The following SHCBP1L variants were observed in gnomAD, a reference collection of about 807,000 sequenced individuals.
SHCBP1L encodes testicular spindle-associated protein SHCBP1L.
A neutral mutation model predicts 62.5 loss-of-function variants in SHCBP1L; 67 were observed. That is an observed-to-expected ratio of 1.07 (90% CI 0.88 to 1.31). The LOEUF is 1.31. Ranked by LOEUF, SHCBP1L falls within the 40% of genes most tolerant of loss-of-function variation. The pLI is 0.00. For synonymous variants in SHCBP1L, 284 were observed against 289.4 expected (o/e 0.98, Z 0.19); for missense variants, 823 against 809.8 (o/e 1.02, Z -0.20).
chr1:182,916,253 G>A (rs1650353240), intron 6 of SHCBP1L, among the ~76,000 whole-genome samples: 2 of 152,052 alleles, frequency 1.3e-5, no homozygotes, highest in South Asian at 2.1e-4. Flanking sequence ...ATTTATAGCA[G>A]TAAATGCCTA....
intron 9 of SHCBP1L, among the ~76,000 whole-genome samples, chr1:182,902,755 T>C (rs1261967383): frequency 6.6e-6 from 1 of 152,160 alleles, no homozygotes; most frequent in Non-Finnish European, 1.5e-5. Context: ...CAAAATGTAT[T>C]ACAGATCTGA....
Position 182,953,012 on chromosome 1 carries a change from T to C in SHCBP1L, c.122A>G (p.Lys41Arg). The C allele has an allele frequency of 6.5e-7, 1 of 1,543,014 alleles. No homozygotes were observed. Among genetic ancestry groups the C allele is most frequent in the African/African-American group, 1.4e-5 (1 of 73,228 alleles). Residue 41 changes from lysine (K) to arginine (R), a missense_variant, in exon 1 of 10, where the codon AAG becomes AGG. Coordinates refer to ENST00000367547, the MANE Select transcript of SHCBP1L (RefSeq NM_030933.4). ...SGDTAAATTL[K>R]GTAIPVRSVV... ...CGACCGCACTGGGATCGCGGTGCCC[T>C]TCAGGGTGGTCGCGGCCGCCGTGTC...
intron 2 of SHCBP1L, among the ~76,000 whole-genome samples, chr1:182,946,221 TCAGTCTAGAAA>T (rs1428346382): frequency 3.9e-5 from 6 of 152,142 alleles, no homozygotes; most frequent in African/African-American, 1.4e-4. Context: ...GTGGGCCCTT[TCAGTCTAGAAA>T]TTTATGACCT....
At chr1:182,927,347 G>A (rs1650799568) in intron 6 of SHCBP1L, among the ~76,000 whole-genome samples, 1 of 151,850 alleles carries the variant, frequency 6.6e-6, no homozygotes, top group Admixed American at 6.6e-5. Context: ...TCTCAGTCAA[G>A]AATCTTCAAA....
At chr1:182,941,370 T>C (rs1651360599) in intron 2 of SHCBP1L, among the ~76,000 whole-genome samples, 1 of 152,018 alleles carries the variant, frequency 6.6e-6, no homozygotes, top group South Asian at 2.1e-4. Flanking sequence ...ACACAATTCT[T>C]GACATATGTA....
chr1:182,900,144 A>G lies in SHCBP1L; in HGVS notation c.1801T>C (p.Phe601Leu). 2 of 1,612,454 alleles carry G rather than the reference A, an allele frequency of 1.2e-6. No individual in the cohort carries two copies. The highest frequency in any genetic ancestry group is 1.7e-6 in the Non-Finnish European group (2 of 1,179,152). ...AGAGCTTCTTCTGCTACGATAAAAA[A>G]CTGTTCCATTGGTTGAAGAATGCTT... ...GVSILQPMEQ[F>L]FIVAEEALNK... Residue 601 changes from phenylalanine to leucine, a missense_variant, in exon 10 of 10, where the codon TTT becomes CTT. Transcript: ENST00000367547.
chr1:182,901,501 A>C (rs1254542302), intron 9 of SHCBP1L, among the ~76,000 whole-genome samples: 1 of 152,202 alleles, frequency 6.6e-6, no homozygotes, highest in African/African-American at 2.4e-5. Flanking sequence ...TAACAGCCAG[A>C]ACAAGGTTAA....
At chr1:182,926,263 G>A (rs1002909612) in intron 6 of SHCBP1L, among the ~76,000 whole-genome samples, 2 of 152,170 alleles carry the variant, frequency 1.3e-5, no homozygotes, top group African/African-American at 4.8e-5. Context: ...TGTCTCTGAG[G>A]AGGCAGATGG....
intron 6 of SHCBP1L, among the ~76,000 whole-genome samples, chr1:182,910,324 A>C (rs903455722): frequency 6.6e-6 from 1 of 152,236 alleles, no homozygotes; most frequent in Admixed American, 6.5e-5. Context: ...GCTCTGCAGC[A>C]GCAATGGAAA....
chr1:182,908,858 C>T (rs1405129462), intron 6 of SHCBP1L, among the ~76,000 whole-genome samples: 1 of 152,176 alleles, frequency 6.6e-6, no homozygotes, highest in East Asian at 1.9e-4. Context: ...CTCGTTTTGT[C>T]ATAAACAAAA....
chr1:182,915,919 G>C (rs1354200974), intron 6 of SHCBP1L, among the ~76,000 whole-genome samples: 1 of 150,256 alleles, frequency 6.7e-6, no homozygotes, highest in Non-Finnish European at 1.5e-5. Context: ...CCATTCTCCT[G>C]CCTCAGCCTC....
chr1:182,926,607 T>A (rs1448756023), intron 6 of SHCBP1L, among the ~76,000 whole-genome samples: 2 of 152,116 alleles, frequency 1.3e-5, no homozygotes, highest in Non-Finnish European at 2.9e-5. Flanking sequence ...GAAGCAAAAC[T>A]GTGAATCAAA....
chr1:182,952,465 A>G, intron 1 of SHCBP1L: 1 of 425,528 alleles, frequency 2.4e-6, no homozygotes, highest in Non-Finnish European at 4.1e-6. Context: ...ATTTTTTAGG[A>G]GCTCTCAGAA....
chr1:182,915,967 C>A (rs557128034), intron 6 of SHCBP1L, among the ~76,000 whole-genome samples: 1 of 152,088 alleles, frequency 6.6e-6, no homozygotes, highest in South Asian at 2.1e-4. Context: ...CCATCACGCC[C>A]GGCTAATTTT....
intron 6 of SHCBP1L, among the ~76,000 whole-genome samples, chr1:182,914,200 A>G (rs1481544087): frequency 6.6e-6 from 1 of 152,240 alleles, no homozygotes; most frequent in Non-Finnish European, 1.5e-5. Context: ...AAAATGAAGA[A>G]GAAATTGACA....
chr1:182,939,594 C>G (rs1186614690), intron 3 of SHCBP1L, 41 bp from the exon 4 acceptor site: 1 of 1,415,678 alleles, frequency 7.1e-7, no homozygotes, highest in East Asian at 2.4e-5. Flanking sequence ...TCAAAAACAG[C>G]CACTACTGAT....
chr1:182,917,000 T>A (rs1414216083), intron 6 of SHCBP1L, among the ~76,000 whole-genome samples: 1 of 152,054 alleles, frequency 6.6e-6, no homozygotes, highest in Non-Finnish European at 1.5e-5. Flanking sequence ...GACACGAGTT[T>A]ACCTATGTAA....
intron 6 of SHCBP1L, among the ~76,000 whole-genome samples, chr1:182,920,486 A>C (rs559842383): frequency 2.6e-5 from 4 of 152,344 alleles, no homozygotes; most frequent in African/African-American, 7.2e-5. Flanking sequence ...AAAGCAGTGC[A>C]AGAACTCTGG....
intron 2 of SHCBP1L, among the ~76,000 whole-genome samples, chr1:182,945,575 A>T (rs1651536669): frequency 6.6e-6 from 1 of 152,196 alleles, no homozygotes; most frequent in South Asian, 2.1e-4. Context: ...CCTTGACTGT[A>T]GATGACATCC....
Sources: allele counts gnomAD v4.1 joint callset (sites outside exome capture counted in the v4.1 genomes callset), GRCh38; gene constraint gnomAD v4.1.1; transcripts MANE v1.5; gene names NCBI Gene and HGNC (gene_info 2026-07-23, HGNC 2026-07-21).